The following ARPP19 variants were observed in gnomAD, a reference collection of about 807,000 sequenced individuals.
ARPP19 encodes the protein cAMP-regulated phosphoprotein 19.
In ARPP19, 8 loss-of-function variants were observed where a neutral mutation model predicts 12.0. The ratio of observed to expected loss-of-function variants is 0.67; its 90% CI spans 0.39 to 1.21. The LOEUF (loss-of-function observed/expected upper bound fraction) is 1.21. Among genes scored for constraint, ARPP19 ranks in the 50% most tolerant of loss-of-function variants. ARPP19 has a pLI of 0.01. For synonymous variants in ARPP19, 47 were observed against 50.4 expected (o/e 0.93, Z 0.29); for missense variants, 102 against 136.3 (o/e 0.75, Z 1.25).
chr15:52,548,932 AAT>A lies in ARPP19; in HGVS notation c.*3000_*3001del, dbSNP rs2077903952. 6.5e-6 allele frequency: 1 copy of A among 152,692 alleles called. No homozygotes were observed. Among genetic ancestry groups the A allele is most frequent in the Admixed American group, 6.5e-5 (1 of 15,292 alleles). 9.5% of individuals were successfully genotyped at this position (152,692 alleles called of 1,614,324 possible). On this transcript the variant is annotated 3_prime_UTR_variant, in exon 3 of 3. Coordinates refer to ENST00000249822, the MANE Select transcript of ARPP19 (RefSeq NM_006628.6). ...AGGCTTCACCAGGCTTTCCTTGATGAATAGTTAAGACATATTTTTAGGTCATC... is the reference window on the plus strand; with the variant it reads ...AGGCTTCACCAGGCTTTCCTTGATGAAGTTAAGACATATTTTTAGGTCATC...
intron 1 of ARPP19, among the ~76,000 whole-genome samples, chr15:52,566,066 G>A (rs1186867427): frequency 1.3e-5 from 2 of 152,160 alleles, no homozygotes; most frequent in Non-Finnish European, 2.9e-5. Context: ...ATATTGGCCA[G>A]GCTGGTATCG....
intron 1 of ARPP19, among the ~76,000 whole-genome samples, chr15:52,558,062 A>G (rs780314134): frequency 6.6e-6 from 1 of 152,164 alleles, no homozygotes; most frequent in Non-Finnish European, 1.5e-5. Context: ...TTCACTTTGA[A>G]CAACAGTCTT....
At chr15:52,560,338 T>C (rs2078020764) in intron 1 of ARPP19, among the ~76,000 whole-genome samples, 1 of 152,156 alleles carries the variant, frequency 6.6e-6, no homozygotes, top group African/African-American at 2.4e-5. Flanking sequence ...TGATATATCA[T>C]ATTAAGCATG....
At chr15:52,569,219 T>G, upstream of ARPP19, 1 of 362,298 alleles carries the variant, frequency 2.8e-6, no homozygotes, top group Non-Finnish European at 5.0e-6. Context: ...TGCCGAGTGC[T>G]TCCTGGGAAT....
intron 2 of ARPP19, among the ~76,000 whole-genome samples, chr15:52,553,096 C>T (rs1157932378): frequency 6.6e-6 from 1 of 151,866 alleles, no homozygotes; most frequent in South Asian, 2.1e-4. Flanking sequence ...AAAACCAACC[C>T]CCCCATAATT....
In ARPP19 at chr15:52,550,350, A is replaced by T. The variant is rs1239784399; in HGVS notation, c.*1584T>A. The T allele has an allele frequency of 6.6e-6, 1 of 152,346 alleles. No homozygotes were observed. Among genetic ancestry groups the T allele is most frequent in the South Asian group, 2.1e-4 (1 of 4,834 alleles). The allele number at this position is 152,346 out of a possible 1,614,324, so 9.4% of individuals were successfully genotyped here. ...TTAATAGGAGTTTTACCTGTCATGT[A>T]AATTACTCTAATTGTCACAAGCCTA... is the stretch of plus-strand genomic sequence containing the variant. On this transcript the variant is annotated 3_prime_UTR_variant, in exon 3 of 3. Coordinates refer to ENST00000249822, the MANE Select transcript of ARPP19 (RefSeq NM_006628.6).
At chr15:52,556,855 G>A (rs1296041148) in intron 2 of ARPP19, 1 of 363,616 alleles carries the variant, frequency 2.8e-6, no homozygotes, top group East Asian at 4.7e-5. Flanking sequence ...TATGGGTTCT[G>A]TTATATCTGC....
At chr15:52,566,744 C>CT (rs1419315824) in intron 1 of ARPP19, among the ~76,000 whole-genome samples, 1 of 152,138 alleles carries the variant, frequency 6.6e-6, no homozygotes, top group Non-Finnish European at 1.5e-5. Context: ...CTGTTTTAGT[C>CT]TTAGAGTGGT....
chr15:52,569,161 T>G, upstream of ARPP19: 1 of 478,736 alleles, frequency 2.1e-6, no homozygotes, highest in Non-Finnish European at 3.7e-6. Context: ...ACTTCCTTTT[T>G]TCCTTCAAAG....
intron 1 of ARPP19, among the ~76,000 whole-genome samples, chr15:52,562,432 AAGCACG>A (rs1190557823): frequency 6.6e-6 from 1 of 152,168 alleles, no homozygotes; most frequent in Admixed American, 6.5e-5. Context: ...TTAAAAAAGA[AAGCACG>A]AGTATTTAAA....
intron 1 of ARPP19, among the ~76,000 whole-genome samples, chr15:52,562,067 T>G (rs1346225789): frequency 6.6e-6 from 1 of 151,914 alleles, no homozygotes; most frequent in Non-Finnish European, 1.5e-5. Context: ...CGTGAGCCAC[T>G]GTGCCACTAA....
At chr15:52,568,306 C>T (rs2078105060) in intron 1 of ARPP19, 2 of 152,700 alleles carry the variant, frequency 1.3e-5, no homozygotes, top group South Asian at 2.0e-4. Context: ...AGGCCTCACC[C>T]CGCCGTGGGA....
At chr15:52,557,412 A>G in intron 1 of ARPP19, 190 bp from the exon 2 acceptor site, 1 of 547,432 alleles carries the variant, frequency 1.8e-6, no homozygotes, top group Non-Finnish European at 3.2e-6. Context: ...TGATAGCTCT[A>G]TTATAGCTGT....
Position 52,549,114 on chromosome 15 carries a change from G to A in ARPP19, c.*2820C>T, listed in dbSNP as rs2077905689. 1 of 152,206 alleles carries A rather than the reference G, an allele frequency of 6.6e-6. No individual in the cohort carries two copies. Among genetic ancestry groups the A allele is most frequent in the African/African-American group, 2.4e-5 (1 of 41,444 alleles). 9.4% of individuals were successfully genotyped at this position (152,206 alleles called of 1,614,324 possible). A position where few individuals can be genotyped will look rare whatever the true frequency, so the allele number is the denominator to read the frequency against. On this transcript the variant is annotated 3_prime_UTR_variant, in exon 3 of 3. Transcript: ENST00000249822. Reference sequence around the variant, plus strand: ...CCTCAAAACTGTTCTATCAAATGTAGTAGCTATTGGACATAAAACAAGTAA... The same window carrying A: ...CCTCAAAACTGTTCTATCAAATGTAATAGCTATTGGACATAAAACAAGTAA...
intron 1 of ARPP19, among the ~76,000 whole-genome samples, chr15:52,560,585 G>T (rs2078023219): frequency 6.6e-6 from 1 of 152,126 alleles, no homozygotes; most frequent in South Asian, 2.1e-4. Flanking sequence ...TTTTAAATGT[G>T]GTAAACACCA....
chr15:52,564,342 T>C lies in ARPP19; in HGVS notation c.45+4506A>G, dbSNP rs1348453489. On this transcript the variant is annotated intron_variant, in intron 1 of 2. Coordinates refer to ENST00000249822, the MANE Select transcript of ARPP19 (RefSeq NM_006628.6). ...GTGGGAGGCTAGGTGAACCCAGGAG[T>C]TCAAGGCGGCAATATGCTATCATTG... is the stretch of plus-strand genomic sequence containing the variant. 8.2e-6 allele frequency: 7 copies of C among 855,740 alleles called. No homozygotes were observed. The East Asian group carries it at 1.3e-4, about 16-fold the overall frequency. The allele number at this position is 855,740 out of a possible 1,614,324, so 53.0% of individuals were successfully genotyped here.
chr15:52,552,088 G>T lies in ARPP19; in HGVS notation c.185C>A (p.Ser62Tyr). 1 of 1,611,802 alleles carries T rather than the reference G, an allele frequency of 6.2e-7. No individual in the cohort carries two copies. Among genetic ancestry groups the T allele is most frequent in the Non-Finnish European group, 8.5e-7 (1 of 1,178,136 alleles). The part of the protein sequence containing the change: ...RLQKGQKYFD[S>Y]GDYNMAKAKM... ...TGCTTTAGCCATGTTGTAATCCCCA[G>T]AATCAAAATATTTTTGCTATAAGTA... Residue 62 changes from serine to tyrosine, a missense_variant, in exon 3 of 3, where the codon TCT becomes TAT. Transcript: ENST00000249822.
chr15:52,563,630 C>T (rs1267878412), intron 1 of ARPP19, among the ~76,000 whole-genome samples: 1 of 152,178 alleles, frequency 6.6e-6, no homozygotes, highest in Non-Finnish European at 1.5e-5. Flanking sequence ...GTCTATTATA[C>T]ACTGAGCAGA....
At chr15:52,563,026 T>A (rs1286355016) in intron 1 of ARPP19, among the ~76,000 whole-genome samples, 1 of 151,798 alleles carries the variant, frequency 6.6e-6, no homozygotes, top group East Asian at 1.9e-4. Flanking sequence ...CAGGTGCCCA[T>A]CACCGCACCT....
Sources: allele counts gnomAD v4.1 joint callset (sites outside exome capture counted in the v4.1 genomes callset), GRCh38; gene constraint gnomAD v4.1.1; transcripts MANE v1.5; gene names NCBI Gene and HGNC (gene_info 2026-07-23, HGNC 2026-07-21).